STRA8: variants seen among roughly 807,000 people sequenced by gnomAD.
STRA8 encodes the protein stimulated by retinoic acid 8, also known as stimulated by retinoic acid gene 8 protein homolog.
Under a neutral mutation model 37.1 loss-of-function variants are expected in STRA8, and 18 were observed. That is an observed-to-expected ratio of 0.48 (90% CI 0.34 to 0.72). The LOEUF is 0.72. STRA8 is among the 30% of genes least tolerant of loss of function. The pLI is 0.01. For synonymous variants in STRA8, 168 were observed against 162.9 expected (o/e 1.03, Z -0.24); for missense variants, 357 against 410.4 (o/e 0.87, Z 1.13).
intron 5 of STRA8, among the ~76,000 whole-genome samples, chr7:135,245,756 C>T (rs575077506): frequency 1.3e-5 from 2 of 152,298 alleles, no homozygotes; most frequent in South Asian, 4.1e-4. Context: ...ATTAGCATAG[C>T]ACATACACTC....
chr7:135,239,950 A>AT lies in STRA8; in HGVS notation c.-6-560dup, dbSNP rs950913312. On this transcript the variant is annotated intron_variant, in intron 1 of 8. Transcript: ENST00000662584. ...GAGTCTAAAGTGTACCCCTTGAGGG[A>AT]TTTTTTTTTCATATGCATACACCTG... is the stretch of plus-strand genomic sequence containing the variant. Among the ~76,000 whole-genome samples, 15 of 151,336 alleles carry AT rather than the reference A, an allele frequency of 9.9e-5. No homozygotes were observed. The South Asian group carries it at 1.9e-3, about 19-fold the overall frequency.
At chr7:135,253,502 C>T (rs1193933981) in intron 7 of STRA8, among the ~76,000 whole-genome samples, 1 of 152,094 alleles carries the variant, frequency 6.6e-6, no homozygotes, top group South Asian at 2.1e-4. Context: ...AGGCATGGGC[C>T]CTGAGTTTAG....
chr7:135,247,201 A>G (rs772147917), intron 6 of STRA8: 1 of 152,714 alleles, frequency 6.5e-6, no homozygotes, highest in Non-Finnish European at 1.5e-5. Flanking sequence ...TTCTGCGGTT[A>G]GTTTCCTGGC....
At position 135,258,486 on chromosome 7, in the gene STRA8, T is replaced by C. The variant is rs1456290619; in HGVS notation, c.1134T>C (p.Asp378=). The C allele has an allele frequency of 2.5e-6, 4 of 1,598,204 alleles. No individual in the cohort carries two copies. In the African/African-American group the frequency reaches 4.0e-5, roughly 16 times the overall value. Residue 378 remains aspartate (D), a synonymous_variant, in exon 9 of 9, where the codon GAT becomes GAC. Coordinates refer to ENST00000662584, the MANE Select transcript of STRA8 (RefSeq NM_001394401.1). The part of the protein sequence containing the change: ...LQCTETFDDE[D]L ...GCACAGAGACCTTTGACGATGAAGA[T>C]TTGTAATGCAGAAGAGGAGCTGCGA...
intron 7 of STRA8, among the ~76,000 whole-genome samples, chr7:135,254,003 C>A (rs566384412): frequency 9.2e-5 from 14 of 152,302 alleles, no homozygotes; most frequent in African/African-American, 3.4e-4. Context: ...CATTTTCCCT[C>A]CATTCTCCCT....
chr7:135,251,893 C>G (rs757625711), intron 7 of STRA8, 24 bp downstream of exon 7: 4 of 1,609,818 alleles, frequency 2.5e-6, no homozygotes, highest in African/African-American at 2.7e-5. Flanking sequence ...TGTGAGATAG[C>G]ATGTGCCCCT....
At chr7:135,233,992 G>A (rs1832330228) in intron 1 of STRA8, among the ~76,000 whole-genome samples, 89 bp downstream of exon 1, 1 of 152,170 alleles carries the variant, frequency 6.6e-6, no homozygotes, top group Non-Finnish European at 1.5e-5. Flanking sequence ...GTGCAGCGGA[G>A]CCTAACAGGT....
chr7:135,234,797 C>T (rs1832346592), intron 1 of STRA8, among the ~76,000 whole-genome samples: 1 of 152,232 alleles, frequency 6.6e-6, no homozygotes, highest in Non-Finnish European at 1.5e-5. Flanking sequence ...TGCCTCCTAA[C>T]TTTGTTAGAC....
chr7:135,247,316 C>T (rs971332703), intron 6 of STRA8: 2 of 152,350 alleles, frequency 1.3e-5, no homozygotes, highest in African/African-American at 4.8e-5. Context: ...ATGCACTCCT[C>T]ACACCCGGGG....
chr7:135,237,760 T>G (rs1428069097), intron 1 of STRA8, among the ~76,000 whole-genome samples: 1 of 151,926 alleles, frequency 6.6e-6, no homozygotes, highest in Non-Finnish European at 1.5e-5. Context: ...GTCGTGGTGG[T>G]GGGCGCCTGT....
chr7:135,249,039 C>T (rs1369172476), intron 6 of STRA8, among the ~76,000 whole-genome samples: 5 of 152,248 alleles, frequency 3.3e-5, no homozygotes, highest in South Asian at 2.1e-4. Context: ...GTGTTTACAG[C>T]CCCAAAGTGC....
intron 6 of STRA8, among the ~76,000 whole-genome samples, chr7:135,249,566 A>G (rs1468207212): frequency 1.3e-5 from 2 of 152,234 alleles, no homozygotes; most frequent in Non-Finnish European, 2.9e-5. Flanking sequence ...CCTGGGTGAC[A>G]AGAGTAAAAC....
At chr7:135,258,255 G>A (rs1393503524) in intron 8 of STRA8, among the ~76,000 whole-genome samples, 163 bp from the exon 9 acceptor site, 2 of 152,060 alleles carry the variant, frequency 1.3e-5, no homozygotes, top group Non-Finnish European at 2.9e-5. Flanking sequence ...TCCCCCCTTA[G>A]AGCCCTTGCT....
chr7:135,242,936 G>C, intron 3 of STRA8, 80 bp downstream of exon 3: 3 of 1,457,802 alleles, frequency 2.1e-6, no homozygotes, highest in Non-Finnish European at 1.9e-6. Context: ...ACAGAAGTTG[G>C]GTTACAATGA....
chr7:135,232,955 C>A (rs1585462564), upstream of STRA8, among the ~76,000 whole-genome samples: 1 of 152,216 alleles, frequency 6.6e-6, no homozygotes, highest in Non-Finnish European at 1.5e-5. Context: ...CTTCTTGCAC[C>A]GTGCACTGGC....
intron 6 of STRA8, among the ~76,000 whole-genome samples, chr7:135,250,168 C>T (rs1335488114): frequency 2.0e-5 from 3 of 152,216 alleles, no homozygotes; most frequent in Non-Finnish European, 4.4e-5. Flanking sequence ...TGCTCCATTT[C>T]AGTTCAGACA....
At chr7:135,253,313 C>T (rs1427801737) in intron 7 of STRA8, among the ~76,000 whole-genome samples, 1 of 152,100 alleles carries the variant, frequency 6.6e-6, no homozygotes, top group Non-Finnish European at 1.5e-5. Flanking sequence ...TCCCGGAGTC[C>T]CCCACCTCCT....
intron 6 of STRA8, among the ~76,000 whole-genome samples, chr7:135,248,892 G>C (rs117140404): frequency 0.013 from 1,927 of 152,274 alleles, 29 homozygotes; most frequent in Non-Finnish European, 0.018. Flanking sequence ...CCACCAGACT[G>C]TGGCTTCTGA....
At chr7:135,237,584 T>C (rs925153549) in intron 1 of STRA8, among the ~76,000 whole-genome samples, 9 of 152,098 alleles carry the variant, frequency 5.9e-5, no homozygotes, top group Admixed American at 2.0e-4. Context: ...CAGACCCAAG[T>C]GTATTATTAG....
Sources: gnomAD v4.1 joint callset for allele counts (sites outside exome capture counted in the v4.1 genomes callset) on GRCh38, gnomAD v4.1.1 for gene constraint, MANE v1.5 for transcripts, NCBI Gene and HGNC (gene_info 2026-07-23, HGNC 2026-07-21) for gene names.